Variants in ZBTB38 observed in about 807,000 individuals in gnomAD.
ZBTB38 encodes the protein zinc finger and BTB domain containing 38.
In ZBTB38, 20 loss-of-function variants were observed where a neutral mutation model predicts 76.8. The observed-to-expected ratio is 0.26, with a 90% confidence interval of 0.18 to 0.38. ZBTB38 has a LOEUF of 0.38. Among genes scored for constraint, ZBTB38 ranks in the 10% least tolerant of loss-of-function variants. The pLI is 1.00. For synonymous variants in ZBTB38, 504 were observed against 544.2 expected, an observed-to-expected ratio of 0.93 and a Z score of 1.03; for missense variants, 1,082 against 1,482.3, an observed-to-expected ratio of 0.73 and a Z score of 4.43.
At chr3:141,425,029 C>T (rs183247267) in intron 5 of ZBTB38, among the ~76,000 whole-genome samples, 3 of 152,308 alleles carry the variant, frequency 2.0e-5, no homozygotes, top group African/African-American at 7.2e-5. Context: ...TCCCATTTTG[C>T]AGAGGAAGAA....
At chr3:141,333,288 A>T (rs1942908078) in intron 1 of ZBTB38, among the ~76,000 whole-genome samples, 1 of 152,192 alleles carries the variant, frequency 6.6e-6, no homozygotes, top group African/African-American at 2.4e-5. Flanking sequence ...GAGACCTAGG[A>T]CAGCAAGTCA....
At chr3:141,340,334 AG>A (rs1943135836) in intron 1 of ZBTB38, among the ~76,000 whole-genome samples, 1 of 152,226 alleles carries the variant, frequency 6.6e-6, no homozygotes, top group South Asian at 2.1e-4. Context: ...ATAGTAAAAA[AG>A]ATAATTAGAG....
At chr3:141,363,174 C>T (rs974124875) in intron 1 of ZBTB38, among the ~76,000 whole-genome samples, 20 of 151,990 alleles carry the variant, frequency 1.3e-4, no homozygotes, top group African/African-American at 4.6e-4. Context: ...ATAAAATACT[C>T]GAGAATAAAT....
chr3:141,346,817 G>GTGTGTGTGTGTGTGTGTGTGTGTGT (rs1559915420), intron 1 of ZBTB38, among the ~76,000 whole-genome samples: 3 of 59,772 alleles, frequency 5.0e-5, no homozygotes, highest in African/African-American at 2.1e-4. Context: ...TGTGTGTGTG[G>GTGTGTGTGTGTGTGTGTGTGTGTGT]TGCAATGCTC....
chr3:141,421,874 G>A (rs557121324), intron 5 of ZBTB38, among the ~76,000 whole-genome samples: 1 of 152,344 alleles, frequency 6.6e-6, no homozygotes, highest in Admixed American at 6.5e-5. Context: ...AAGGTCTTGG[G>A]GCTGGATGAC....
intron 2 of ZBTB38, among the ~76,000 whole-genome samples, chr3:141,381,069 A>C (rs910925190): frequency 6.6e-6 from 1 of 152,200 alleles, no homozygotes; most frequent in African/African-American, 2.4e-5. Context: ...CCAATTCAGA[A>C]TCTAGAAGGC....
intron 1 of ZBTB38, among the ~76,000 whole-genome samples, chr3:141,331,203 A>G (rs925243886): frequency 6.6e-6 from 1 of 152,236 alleles, no homozygotes; most frequent in Non-Finnish European, 1.5e-5. Context: ...CTGTTGAAGC[A>G]TGCACTATGC....
In ZBTB38 at chr3:141,425,299, C is replaced by T. The variant is rs74860409; in HGVS notation, c.1-17090C>T. On this transcript the variant is annotated intron_variant, in intron 5 of 5. Transcript: ENST00000321464. ...CACCATTCCTTTTCTATGCCCCCAT[C>T]ATATGGTAACTCTACGTATACATTC... Among the ~76,000 whole-genome samples the T allele has an allele frequency of 3.1e-3, 478 of 152,318 alleles. 27 individuals carry two copies. The East Asian group carries it at 0.089, about 28-fold the overall frequency.
At chr3:141,424,025 C>A (rs2075931732) in intron 5 of ZBTB38, among the ~76,000 whole-genome samples, 1 of 152,162 alleles carries the variant, frequency 6.6e-6, no homozygotes, top group Non-Finnish European at 1.5e-5. Flanking sequence ...CCAAAACAGA[C>A]AATACACAGA....
At position 141,445,843 on chromosome 3, in the gene ZBTB38, C is replaced by T. The variant is rs1479900557; in HGVS notation, c.3455C>T (p.Pro1152Leu). The T allele has an allele frequency of 1.9e-6, 3 of 1,613,982 alleles. No individual in the cohort carries two copies. The highest frequency in any genetic ancestry group is 2.5e-6 in the Non-Finnish European group (3 of 1,180,036). The change falls in exon 6 of 6, where the codon CCA (proline) becomes CTA (leucine). Residue 1152 changes from proline to leucine, a missense_variant. By Grantham distance (98) the Pro-to-Leu change is moderately conservative (BLOSUM62 -3). Coordinates refer to ENST00000321464, the MANE Select transcript of ZBTB38 (RefSeq NM_001376113.1). This position sits in a 1 kb window ranked among gnomAD's most constrained non-coding sequence, Gnocchi z 6.5. Reference sequence around the variant, plus strand: ...CAAAAGAAACACTTATTCAAAAGCCCAAGTCAGCAGGAGAAAATAGGTGAC... The same window carrying T: ...CAAAAGAAACACTTATTCAAAAGCCTAAGTCAGCAGGAGAAAATAGGTGAC... ...MHQKKHLFKS[P>L]SQQEKIGDVC...
intron 1 of ZBTB38, among the ~76,000 whole-genome samples, chr3:141,341,752 G>A (rs1404521539): frequency 6.6e-6 from 1 of 152,224 alleles, no homozygotes; most frequent in East Asian, 1.9e-4. Flanking sequence ...TGAAAACCAA[G>A]ACACAGCCAC....
rs1381342891 is a variant in ZBTB38 at position 141,443,783 on chromosome 3, C to T, written c.1395C>T (p.Cys465=). 2 of 1,613,896 alleles carry T rather than the reference C, an allele frequency of 1.2e-6. No homozygotes were observed. The highest frequency in any genetic ancestry group is 2.2e-5 in the South Asian group (2 of 91,088). ...AAATGCTCTACAGTTGCGTTGTGTG[C>T]AAACGTAGTTATGTGACCTTATCTA... ...NGQMLYSCVV[C]KRSYVTLSSL... The change falls in exon 6 of 6, where the codon TGC becomes TGT. Residue 465 remains cysteine, a synonymous_variant. Coordinates refer to ENST00000321464, the MANE Select transcript of ZBTB38 (RefSeq NM_001376113.1). The surrounding 1 kb of genome is among the most constrained non-coding windows in gnomAD (Gnocchi z 5.6).
At chr3:141,378,655 C>T (rs1051013362) in intron 2 of ZBTB38, among the ~76,000 whole-genome samples, 1 of 152,228 alleles carries the variant, frequency 6.6e-6, no homozygotes, top group Non-Finnish European at 1.5e-5. Context: ...CCTTTATGAG[C>T]AACTCCTACT....
At chr3:141,405,611 A>G (rs1954089911) in intron 5 of ZBTB38, 1 of 152,242 alleles carries the variant, frequency 6.6e-6, no homozygotes, top group Non-Finnish European at 1.5e-5. Flanking sequence ...TAGCTCTAAG[A>G]ATTGCAGTAA....
At chr3:141,356,922 A>G (rs906492839) in intron 1 of ZBTB38, among the ~76,000 whole-genome samples, 1 of 152,232 alleles carries the variant, frequency 6.6e-6, no homozygotes, top group African/African-American at 2.4e-5. Flanking sequence ...TTAAAAGTTC[A>G]CTTGGGAACT....
intron 5 of ZBTB38, among the ~76,000 whole-genome samples, chr3:141,428,700 TC>T: frequency 6.6e-6 from 1 of 152,300 alleles, no homozygotes; most frequent in Non-Finnish European, 1.5e-5. Flanking sequence ...TGTCTCAAAC[TC>T]CTGACCTCAG....
At chr3:141,358,318 G>A (rs1483798191) in intron 1 of ZBTB38, among the ~76,000 whole-genome samples, 1 of 152,152 alleles carries the variant, frequency 6.6e-6, no homozygotes, top group African/African-American at 2.4e-5. Context: ...CCAGGCCCAG[G>A]GAACAAAGGA....
intron 2 of ZBTB38, among the ~76,000 whole-genome samples, chr3:141,378,234 G>A (rs1945671895): frequency 6.6e-6 from 1 of 151,904 alleles, no homozygotes; most frequent in Admixed American, 6.6e-5. Context: ...GTGGTTGTCA[G>A]GATGGGTGTG....
At chr3:141,429,903 G>A (rs1338488956) in intron 5 of ZBTB38, among the ~76,000 whole-genome samples, 1 of 152,198 alleles carries the variant, frequency 6.6e-6, no homozygotes, top group Non-Finnish European at 1.5e-5. Flanking sequence ...AAGGAGTGCA[G>A]TGGGAGGGAA....
Sources: gnomAD v4.1 joint callset for allele counts (sites outside exome capture counted in the v4.1 genomes callset) on GRCh38, gnomAD v4.1.1 for gene constraint, Gnocchi (gnomAD v3.1) non-coding constraint, MANE v1.5 for transcripts, NCBI Gene and HGNC (gene_info 2026-07-23, HGNC 2026-07-21) for gene names.